GCNT2: variants seen among roughly 807,000 people sequenced by gnomAD.
GCNT2 encodes the protein glucosaminyl (N-acetyl) transferase 2 (I blood group), also known as N-acetyllactosaminide beta-1,6-N-acetylglucosaminyl-transferase.
GCNT2 carries 34 observed loss-of-function variants against 34.2 expected under a neutral mutation model. That is an observed-to-expected ratio of 1.00 (90% CI 0.76 to 1.32). The LOEUF (loss-of-function observed/expected upper bound fraction) is 1.32. Among genes scored for constraint, GCNT2 ranks in the 40% most tolerant of loss-of-function variants. The probability of loss-of-function intolerance (pLI) is 0.00; values close to 1 mark genes in which losing one functional copy is unlikely to be tolerated. For missense variants in GCNT2, 584 were observed against 489.4 expected (o/e 1.19, Z -1.82); for synonymous variants, 212 against 188.0 (o/e 1.13, Z -1.04).
At chr6:10,527,930 C>T (rs1364804948) in intron 2 of GCNT2, among the ~76,000 whole-genome samples, 1 of 152,122 alleles carries the variant, frequency 6.6e-6, no homozygotes, top group Non-Finnish European at 1.5e-5. Context: ...AGCCTCTCTC[C>T]TAAAATTCAA....
chr6:10,591,901 C>T (rs34939882), intron 3 of GCNT2, among the ~76,000 whole-genome samples: 16,752 of 152,270 alleles, frequency 0.11, 1,109 homozygotes, highest in Middle Eastern at 0.17. Context: ...AGGAAGGTCA[C>T]TGGGACCTTA....
chr6:10,556,732 T>C lies in GCNT2; in HGVS notation c.925+26896T>C, dbSNP rs766684377. ...TGGCATATATAATGGTCATCCATCA[T>C]CACTTTGACACCTTTGCAAGGCTCT... On this transcript the variant is annotated intron_variant, in intron 3 of 4. Coordinates refer to ENST00000495262, the MANE Select transcript of GCNT2 (RefSeq NM_145649.5). 8 of 1,614,212 alleles carry C rather than the reference T, an allele frequency of 5.0e-6. No individual in the cohort carries two copies. In the South Asian group the frequency reaches 8.8e-5, roughly 18 times the overall value.
intron 3 of GCNT2, among the ~76,000 whole-genome samples, chr6:10,579,540 G>T (rs1017796852): frequency 1.1e-4 from 17 of 152,092 alleles, no homozygotes; most frequent in Admixed American, 3.3e-4. Flanking sequence ...ATGGGGCCAG[G>T]CATGGTAGCT....
chr6:10,545,376 A>G (rs1447970220), intron 3 of GCNT2, among the ~76,000 whole-genome samples: 3 of 151,988 alleles, frequency 2.0e-5, no homozygotes, highest in Non-Finnish European at 2.9e-5. Context: ...AATCCACATC[A>G]AGCCAGCTCA....
intron 3 of GCNT2, among the ~76,000 whole-genome samples, chr6:10,552,127 A>G (rs1762512456): frequency 6.6e-6 from 1 of 152,176 alleles, no homozygotes; most frequent in Non-Finnish European, 1.5e-5. Flanking sequence ...GTTGCTAATT[A>G]GATGAAAGGT....
chr6:10,619,211 T>G (rs1382483772), intron 3 of GCNT2: 1 of 152,176 alleles, frequency 6.6e-6, no homozygotes, highest in East Asian at 1.9e-4. Flanking sequence ...TTAGGAATGA[T>G]CCCTCTCTTG....
intron 3 of GCNT2, among the ~76,000 whole-genome samples, chr6:10,547,050 C>A (rs147535689): frequency 8.3e-4 from 126 of 152,250 alleles, no homozygotes; most frequent in African/African-American, 2.8e-3. Context: ...TTATTTTAAA[C>A]TAGTTCAAAC....
chr6:10,608,255 T>G (rs1765409819), intron 3 of GCNT2, among the ~76,000 whole-genome samples: 1 of 152,060 alleles, frequency 6.6e-6, no homozygotes, highest in Admixed American at 6.5e-5. Context: ...TTTTGTATTT[T>G]TAGTAGAGAC....
chr6:10,582,236 ATAT>A, intron 3 of GCNT2, among the ~76,000 whole-genome samples: 3 of 123,488 alleles, frequency 2.4e-5, no homozygotes, highest in East Asian at 2.1e-4. Flanking sequence ...ATATATTTAA[ATAT>A]ATAAAATATA....
Position 10,528,766 on chromosome 6 carries a change from G to A in GCNT2, c.-146G>A, listed in dbSNP as rs761062511. ...AGAAGAAAGAAAAAGGACCAGAACC[G>A]TGAACTGAAGGGACAGGGAACAGCC... On this transcript the variant is annotated 5_prime_UTR_variant, in exon 3 of 5. In the 5' UTR this introduces an upstream ATG that the reference lacks. Transcript: ENST00000495262. 2.1e-4 allele frequency: 153 copies of A among 719,794 alleles called. No homozygotes were observed. In the Middle Eastern group the frequency reaches 5.3e-3, roughly 25 times the overall value. 44.6% of individuals were successfully genotyped at this position (719,794 alleles called of 1,614,324 possible). A position where few individuals can be genotyped will look rare whatever the true frequency, so the allele number is the denominator to read the frequency against.
At chr6:10,538,224 G>A (rs909943333) in intron 3 of GCNT2, among the ~76,000 whole-genome samples, 4 of 151,056 alleles carry the variant, frequency 2.6e-5, no homozygotes, top group Non-Finnish European at 5.9e-5. Flanking sequence ...CCTGGCCAAC[G>A]TGATGAAACC....
intron 3 of GCNT2, among the ~76,000 whole-genome samples, chr6:10,551,272 A>G (rs1043769803): frequency 6.6e-6 from 1 of 152,038 alleles, no homozygotes; most frequent in African/African-American, 2.4e-5. Context: ...TGTTTCCATC[A>G]TAACTTTGCT....
intron 3 of GCNT2, among the ~76,000 whole-genome samples, chr6:10,563,747 A>C (rs1452018835): frequency 6.0e-5 from 3 of 50,064 alleles, no homozygotes; most frequent in South Asian, 8.9e-4. Flanking sequence ...ATCTCAAAAA[A>C]AGAAAAAAGA....
chr6:10,525,199 T>A (rs982625531), intron 1 of GCNT2, among the ~76,000 whole-genome samples: 1 of 152,186 alleles, frequency 6.6e-6, no homozygotes, highest in Non-Finnish European at 1.5e-5. Context: ...TTAGTTTACA[T>A]CCTGGAGAGT....
intron 3 of GCNT2, among the ~76,000 whole-genome samples, chr6:10,608,875 C>T (rs1765432832): frequency 6.6e-6 from 1 of 152,156 alleles, no homozygotes; most frequent in East Asian, 1.9e-4. Flanking sequence ...AAGATGAGGC[C>T]TGGAACCCAG....
In GCNT2 at chr6:10,569,290, G is replaced by C. The variant is rs149782693; in HGVS notation, c.925+39454G>C. Among the ~76,000 whole-genome samples the C allele has an allele frequency of 9.6e-5, 5 of 52,006 alleles. No individual in the cohort carries two copies. The East Asian group carries it at 3.5e-3, about 36-fold the overall frequency. 34.1% of individuals were successfully genotyped at this position (52,006 alleles called of 152,430 possible). A position where few individuals can be genotyped will look rare whatever the true frequency, so the allele number is the denominator to read the frequency against. ...ACACACACACCCCCTAGGTAATTTT[G>C]CCAAATCCTGAAGGGTCAACTTCAA... On this transcript the variant is annotated intron_variant, in intron 3 of 4. Coordinates refer to ENST00000495262, the MANE Select transcript of GCNT2 (RefSeq NM_145649.5).
intron 3 of GCNT2, among the ~76,000 whole-genome samples, chr6:10,594,732 C>T (rs1046849051): frequency 2.0e-5 from 3 of 152,162 alleles, no homozygotes; most frequent in African/African-American, 4.8e-5. Context: ...TTAAATCTCA[C>T]TATAGAAGGA....
chr6:10,558,767 G>T (rs975747812), intron 3 of GCNT2, among the ~76,000 whole-genome samples: 1 of 152,216 alleles, frequency 6.6e-6, no homozygotes, highest in African/African-American at 2.4e-5. Flanking sequence ...ACCATGCCTG[G>T]TGTTTGAATC....
intron 3 of GCNT2, chr6:10,556,709 G>C (rs774294620): frequency 6.2e-7 from 1 of 1,614,130 alleles, no homozygotes; most frequent in Non-Finnish European, 8.5e-7. Context: ...CTTTCCCTTG[G>C]CATATATAAT....
Sources: allele counts gnomAD v4.1 joint callset (sites outside exome capture counted in the v4.1 genomes callset), GRCh38; gene constraint gnomAD v4.1.1; transcripts MANE v1.5; gene names NCBI Gene and HGNC (gene_info 2026-07-23, HGNC 2026-07-21).